Variants in C8orf34 observed in about 807,000 individuals in gnomAD.
C8orf34 encodes the protein uncharacterized protein C8orf34.
Under a neutral mutation model 68.3 loss-of-function variants are expected in C8orf34, and 65 were observed. The ratio of observed to expected loss-of-function variants is 0.95; its 90% CI spans 0.78 to 1.17. The LOEUF (loss-of-function observed/expected upper bound fraction) is 1.17. Ranked by LOEUF, C8orf34 falls within the 50% of genes most tolerant of loss-of-function variation. C8orf34 has a pLI of 0.00. For synonymous variants in C8orf34, 244 were observed against 241.2 expected (o/e 1.01, Z -0.11); for missense variants, 664 against 655.4 (o/e 1.01, Z -0.14).
At chr8:68,660,574 T>G (rs939815717) in intron 8 of C8orf34, among the ~76,000 whole-genome samples, 2 of 152,180 alleles carry the variant, frequency 1.3e-5, no homozygotes, top group African/African-American at 4.8e-5. Context: ...GGAGGGCTAA[T>G]TGGCAGAAAT....
At chr8:68,467,098 G>C (rs1185626048) in intron 3 of C8orf34, among the ~76,000 whole-genome samples, 1 of 151,620 alleles carries the variant, frequency 6.6e-6, no homozygotes, top group Non-Finnish European at 1.5e-5. Flanking sequence ...CAAACATAAG[G>C]TTCTCTTCCT....
Position 68,818,367 on chromosome 8 carries a change from A to C in C8orf34, c.*121A>C. On this transcript the variant is annotated 3_prime_UTR_variant, in exon 14 of 14. Coordinates refer to ENST00000518698, the MANE Select transcript of C8orf34 (RefSeq NM_052958.4). Reference sequence around the variant, plus strand: ...AGAGAATGGTTATTTTTATAATCTCAATAATAAACAAGTACTATCGTAGCC... The same window carrying C: ...AGAGAATGGTTATTTTTATAATCTCCATAATAAACAAGTACTATCGTAGCC... 36 of 1,131,092 alleles carry C rather than the reference A, an allele frequency of 3.2e-5. No homozygotes were observed. Among genetic ancestry groups the C allele is most frequent in the Non-Finnish European group, 4.6e-5 (35 of 764,168 alleles). The allele number at this position is 1,131,092 out of a possible 1,614,324, so 70.1% of individuals were successfully genotyped here.
At chr8:68,339,006 G>A (rs1056957576) in intron 1 of C8orf34, among the ~76,000 whole-genome samples, 6 of 151,812 alleles carry the variant, frequency 4.0e-5, no homozygotes, top group South Asian at 2.1e-4. Flanking sequence ...TTTGCCTTCC[G>A]TATATCTTTG....
At chr8:68,679,394 A>C (rs1486808314) in intron 8 of C8orf34, among the ~76,000 whole-genome samples, 1 of 152,142 alleles carries the variant, frequency 6.6e-6, no homozygotes, top group Non-Finnish European at 1.5e-5. Context: ...TCTACAATAA[A>C]AACTATAAAA....
At chr8:68,487,823 A>G (rs2129631553) in intron 4 of C8orf34, among the ~76,000 whole-genome samples, 200 bp from the exon 5 acceptor site, 1 of 152,330 alleles carries the variant, frequency 6.6e-6, no homozygotes, top group East Asian at 1.9e-4. Flanking sequence ...TCAGCAGTTC[A>G]TGGCTGTCAT....
chr8:68,763,601 T>C (rs1259860098), intron 10 of C8orf34, among the ~76,000 whole-genome samples: 1 of 151,796 alleles, frequency 6.6e-6, no homozygotes, highest in South Asian at 2.1e-4. Context: ...ATCTAAAATA[T>C]GACTTTTCCC....
intron 10 of C8orf34, among the ~76,000 whole-genome samples, chr8:68,772,705 C>CTCTT (rs1167075015): frequency 3.0e-4 from 41 of 136,206 alleles, no homozygotes; most frequent in South Asian, 4.9e-4. Context: ...CTCCCTCCCT[C>CTCTT]TCTTTCTTTC....
At chr8:68,713,149 A>G (rs1231203396) in intron 9 of C8orf34, among the ~76,000 whole-genome samples, 3 of 152,176 alleles carry the variant, frequency 2.0e-5, no homozygotes, top group African/African-American at 7.2e-5. Flanking sequence ...TAACCTATCA[A>G]AACCTCTGGG....
intron 7 of C8orf34, among the ~76,000 whole-genome samples, chr8:68,619,871 G>T (rs2130625312): frequency 6.6e-6 from 1 of 152,172 alleles, no homozygotes; most frequent in South Asian, 2.1e-4. Flanking sequence ...ATAATTTCTG[G>T]CCAGTAGGAA....
intron 11 of C8orf34, among the ~76,000 whole-genome samples, chr8:68,782,638 G>A (rs1823712603): frequency 6.6e-6 from 1 of 152,146 alleles, no homozygotes; most frequent in Admixed American, 6.5e-5. Context: ...CTGACCCCTG[G>A]GGCAGTGAGT....
intron 1 of C8orf34, among the ~76,000 whole-genome samples, chr8:68,361,229 C>T (rs1407111398): frequency 2.0e-5 from 3 of 152,100 alleles, no homozygotes; most frequent in Admixed American, 2.0e-4. Flanking sequence ...CAGTTGTGTC[C>T]ACAGCCATTT....
intron 7 of C8orf34, among the ~76,000 whole-genome samples, chr8:68,640,078 C>T: frequency 6.6e-6 from 1 of 152,182 alleles, no homozygotes; most frequent in East Asian, 1.9e-4. Context: ...AGTTTGGCTT[C>T]CCCAGTGGGT....
Position 68,334,848 on chromosome 8 carries a change from T to A in C8orf34, c.327+3509T>A, listed in dbSNP as rs566614752. Among the ~76,000 whole-genome samples, 12 of 152,306 alleles carry A rather than the reference T, an allele frequency of 7.9e-5. No homozygotes were observed. The East Asian group carries it at 2.1e-3, about 27-fold the overall frequency. ...ATGTTATAAAATGGACTTATCAAACTTATGATCAAAGCCTGCATCACTTAT... is the reference window on the plus strand; with the variant it reads ...ATGTTATAAAATGGACTTATCAAACATATGATCAAAGCCTGCATCACTTAT... On this transcript the variant is annotated intron_variant, in intron 1 of 13. Coordinates refer to ENST00000518698, the MANE Select transcript of C8orf34 (RefSeq NM_052958.4).
intron 7 of C8orf34, among the ~76,000 whole-genome samples, chr8:68,631,226 C>T (rs1818682928): frequency 6.6e-6 from 1 of 151,986 alleles, no homozygotes. Context: ...CATGCCACTG[C>T]ACTCCAGCCT....
chr8:68,791,664 A>G (rs1823997302), intron 12 of C8orf34: 1 of 152,264 alleles, frequency 6.6e-6, no homozygotes, highest in African/African-American at 2.4e-5. Flanking sequence ...GTCACAGATG[A>G]AAGCTAATGC....
In C8orf34 at chr8:68,335,897, G is replaced by A. The variant is rs1168128041; in HGVS notation, c.327+4558G>A. Among the ~76,000 whole-genome samples the A allele has an allele frequency of 2.0e-5, 3 of 152,142 alleles. No homozygotes were observed. The East Asian group carries it at 5.8e-4, about 29-fold the overall frequency. On this transcript the variant is annotated intron_variant, in intron 1 of 13. Transcript: ENST00000518698. ...GAGTTTGAGACCAAAGACCAGCCTGGCCAACACAGTGAAACCACATCTCTA... is the reference window on the plus strand; with the variant it reads ...GAGTTTGAGACCAAAGACCAGCCTGACCAACACAGTGAAACCACATCTCTA...
intron 12 of C8orf34, among the ~76,000 whole-genome samples, chr8:68,796,744 A>G (rs933091482): frequency 6.6e-6 from 1 of 152,054 alleles, no homozygotes; most frequent in Non-Finnish European, 1.5e-5. Flanking sequence ...ACATAATCCA[A>G]TCACTGGGTA....
intron 5 of C8orf34, among the ~76,000 whole-genome samples, chr8:68,499,485 C>T (rs1269658917): frequency 6.6e-6 from 1 of 152,074 alleles, no homozygotes; most frequent in Non-Finnish European, 1.5e-5. Context: ...TACATACAGC[C>T]GTACATCCAT....
At chr8:68,771,885 A>G (rs1201078909) in intron 10 of C8orf34, among the ~76,000 whole-genome samples, 1 of 152,160 alleles carries the variant, frequency 6.6e-6, no homozygotes, top group South Asian at 2.1e-4. Context: ...TCACTTGTAT[A>G]TGTTTTTTCA....
Sources: allele counts gnomAD v4.1 joint callset (sites outside exome capture counted in the v4.1 genomes callset), GRCh38; gene constraint gnomAD v4.1.1; transcripts MANE v1.5; gene names NCBI Gene and HGNC (gene_info 2026-07-23, HGNC 2026-07-21).